COL9A1: variants seen among roughly 807,000 people sequenced by gnomAD.
COL9A1 encodes the protein collagen alpha-1(IX) chain.
In COL9A1, 104 loss-of-function variants were observed where a neutral mutation model predicts 142.6. That is an observed-to-expected ratio of 0.73 (90% CI 0.62 to 0.86). COL9A1 has a LOEUF of 0.86. COL9A1 is among the 40% of genes least tolerant of loss of function. The pLI is 0.00. For synonymous variants in COL9A1, 466 were observed against 396.0 expected, an observed-to-expected ratio of 1.18 and a Z score of -2.10; for missense variants, 1,210 against 1,176.6, an observed-to-expected ratio of 1.03 and a Z score of -0.42.
intron 35 of COL9A1, among the ~76,000 whole-genome samples, chr6:70,233,351 CAACA>C (rs1298887161): frequency 6.6e-6 from 1 of 152,132 alleles, no homozygotes; most frequent in Admixed American, 6.5e-5. Context: ...TTGAAATAGA[CAACA>C]AACATTAAAA....
At chr6:70,219,448 T>C (rs948623462) in intron 37 of COL9A1, among the ~76,000 whole-genome samples, 1 of 152,240 alleles carries the variant, frequency 6.6e-6, no homozygotes, top group Non-Finnish European at 1.5e-5. Context: ...CAGAGTTAAA[T>C]AGCTGCAATA....
chr6:70,266,227 G>A (rs1772003597), intron 18 of COL9A1, among the ~76,000 whole-genome samples: 1 of 152,120 alleles, frequency 6.6e-6, no homozygotes, highest in South Asian at 2.1e-4. Flanking sequence ...AGCTTACTCA[G>A]AATCTAGGTT....
chr6:70,230,351 C>A (rs1034720053), intron 36 of COL9A1, among the ~76,000 whole-genome samples: 1 of 152,024 alleles, frequency 6.6e-6, no homozygotes, highest in Non-Finnish European at 1.5e-5. Flanking sequence ...ACCCCAAATT[C>A]TCAGAAGTTA....
At chr6:70,240,614 A>G (rs1184654722) in intron 32 of COL9A1, 75 bp downstream of exon 32, 1 of 976,958 alleles carries the variant, frequency 1.0e-6, no homozygotes, top group Non-Finnish European at 1.6e-6. Flanking sequence ...GAACTGTGTT[A>G]GAAGTATATA....
intron 18 of COL9A1, 130 bp downstream of exon 18, chr6:70,266,587 T>C: frequency 1.2e-6 from 1 of 801,448 alleles, no homozygotes; most frequent in Non-Finnish European, 2.2e-6. Flanking sequence ...TTAGAACTTA[T>C]CAATCATTAT....
At chr6:70,265,041 T>TA (rs1329751666) in intron 18 of COL9A1, among the ~76,000 whole-genome samples, 2 of 152,084 alleles carry the variant, frequency 1.3e-5, no homozygotes, top group East Asian at 1.9e-4. Context: ...AGACATCACT[T>TA]ACACTTTTAA....
In COL9A1 at chr6:70,294,159, A is replaced by C. The variant is rs1327145588; in HGVS notation, c.696+8T>G. The C allele has an allele frequency of 1.9e-6, 3 of 1,613,870 alleles. No individual in the cohort carries two copies. On this transcript the variant is annotated splice_region_variant and intron_variant, in intron 5 of 37. Coordinates refer to ENST00000357250, the MANE Select transcript of COL9A1 (RefSeq NM_001851.6). The stretch of plus-strand genomic sequence containing the variant: ...TTAATCTGCCATAGTGTGTGGTTTT[A>C]TACTTACTGGAACAGAAACTTGAGG...
chr6:70,280,780 GCTGGGCGCCCTCCCAGCA>G lies in COL9A1; in HGVS notation c.975+14_975+31del. 2.5e-6 allele frequency: 4 copies of G among 1,601,474 alleles called. No homozygotes were observed. Among genetic ancestry groups the G allele is most frequent in the Non-Finnish European group, 3.4e-6 (4 of 1,174,234 alleles). ...TACTCGTACCCACCACACACCCCAG[GCTGGGCGCCCTCCCAGCA>G]CTCGCCTACTCACATCAGCGCCAGG... On this transcript the variant is annotated intron_variant, in intron 10 of 37. Transcript: ENST00000357250.
intron 21 of COL9A1, among the ~76,000 whole-genome samples, chr6:70,256,234 C>T (rs1771286086): frequency 6.6e-6 from 1 of 152,154 alleles, no homozygotes; most frequent in African/African-American, 2.4e-5. Context: ...TTCTGTCTTT[C>T]CCATTGGAAC....
rs565655207 is a variant in COL9A1, at chr6:70,250,635, A to C, written c.1872+1485T>G. On this transcript the variant is annotated intron_variant, in intron 28 of 37. Transcript: ENST00000357250. ...CACCTGGAATACATTGCTTTTCTCA[A>C]GTATAAAAATCTTCATTCAACAAGC... 7.9e-5 allele frequency among the ~76,000 whole-genome samples: 12 copies of C among 152,316 alleles called. No individual in the cohort carries two copies. The East Asian group carries it at 2.3e-3, about 29-fold the overall frequency.
At position 70,283,864 on chromosome 6, in the gene COL9A1, C is replaced by T. The variant is rs1381857347; in HGVS notation, c.697-44G>A. ...CAGTCAGGTAAGGTTTTTTGGACGACTGAAGCTGGTCATTCAAGAGAGAGA... is the reference window on the plus strand; with the variant it reads ...CAGTCAGGTAAGGTTTTTTGGACGATTGAAGCTGGTCATTCAAGAGAGAGA... On this transcript the variant is annotated intron_variant, in intron 5 of 37. Coordinates refer to ENST00000357250, the MANE Select transcript of COL9A1 (RefSeq NM_001851.6). The T allele has an allele frequency of 2.9e-6, 4 of 1,393,520 alleles. No homozygotes were observed. The South Asian group carries it at 3.7e-5, about 13-fold the overall frequency. 86.3% of individuals were successfully genotyped at this position (1,393,520 alleles called of 1,614,324 possible).
At chr6:70,291,526 T>A (rs1773661480) in intron 5 of COL9A1, among the ~76,000 whole-genome samples, 1 of 152,164 alleles carries the variant, frequency 6.6e-6, no homozygotes, top group South Asian at 2.1e-4. Flanking sequence ...TTGTCTCAAC[T>A]CCTTGTTCTC....
At chr6:70,227,424 TA>T (rs11407353) in intron 36 of COL9A1, among the ~76,000 whole-genome samples, 3,280 of 50,016 alleles carry the variant, frequency 0.066, 70 homozygotes, top group Non-Finnish European at 0.083. Context: ...ATGCAAATTG[TA>T]AAAAAAAAAA....
intron 8 of COL9A1, 34 bp downstream of exon 8, chr6:70,281,356 G>C (rs369232837): frequency 3.1e-6 from 5 of 1,601,928 alleles, no homozygotes; most frequent in Non-Finnish European, 4.3e-6. Context: ...GGGCAGGACT[G>C]GGGAACAGAG....
Position 70,270,477 on chromosome 6 carries a change from A to G in COL9A1, c.1144-110T>C, listed in dbSNP as rs1376567047. 10 of 910,714 alleles carry G rather than the reference A, an allele frequency of 1.1e-5. No individual in the cohort carries two copies. The Middle Eastern group carries it at 8.9e-4, about 81-fold the overall frequency. 56.4% of individuals were successfully genotyped at this position (910,714 alleles called of 1,614,324 possible). On this transcript the variant is annotated intron_variant, in intron 14 of 37. Transcript: ENST00000357250. Reference sequence around the variant, plus strand: ...ATTACTGGAAACCCCCACCGAGCTCAGCCATGCATAGACCTGCCACCAAAA... The same window carrying G: ...ATTACTGGAAACCCCCACCGAGCTCGGCCATGCATAGACCTGCCACCAAAA...
chr6:70,225,889 C>T, intron 37 of COL9A1, 43 bp downstream of exon 37: 1 of 1,465,132 alleles, frequency 6.8e-7, no homozygotes. Context: ...GTACTTGCTA[C>T]CAATTTCGCT....
intron 28 of COL9A1, among the ~76,000 whole-genome samples, chr6:70,251,917 G>A (rs1433637540): frequency 6.6e-6 from 1 of 152,160 alleles, no homozygotes; most frequent in East Asian, 1.9e-4. Context: ...GGTCACCATG[G>A]TTTTTGAAGC....
At position 70,261,885 on chromosome 6, in the gene COL9A1, G is replaced by T. The variant is rs369929149; in HGVS notation, c.1396-1175C>A. Among the ~76,000 whole-genome samples, 472 of 152,250 alleles carry T rather than the reference G, an allele frequency of 3.1e-3. 1 individual carries two copies. The highest frequency in any genetic ancestry group is 0.011 in the African/African-American group (438 of 41,538). On this transcript the variant is annotated intron_variant, in intron 19 of 37. Coordinates refer to ENST00000357250, the MANE Select transcript of COL9A1 (RefSeq NM_001851.6). ...TCTAAATATTCCAAGAAGCATATTTGTTTAAGTTGTGCATTACTTTATATT... is the reference window on the plus strand; with the variant it reads ...TCTAAATATTCCAAGAAGCATATTTTTTTAAGTTGTGCATTACTTTATATT...
chr6:70,233,139 G>A (rs1769664299), intron 35 of COL9A1, among the ~76,000 whole-genome samples: 1 of 150,886 alleles, frequency 6.6e-6, no homozygotes. Flanking sequence ...CCCAGGATGG[G>A]AAGAAAAATG....
Sources: gnomAD v4.1 joint callset for allele counts (sites outside exome capture counted in the v4.1 genomes callset) on GRCh38, gnomAD v4.1.1 for gene constraint, MANE v1.5 for transcripts, NCBI Gene and HGNC (gene_info 2026-07-23, HGNC 2026-07-21) for gene names.